Variants in ASXL1 observed in about 807,000 individuals in gnomAD.
ASXL1 encodes the protein polycomb group protein ASXL1.
A neutral mutation model predicts 89.1 loss-of-function variants in ASXL1; 65 were observed. The ratio of observed to expected loss-of-function variants is 0.73; its 90% confidence interval spans 0.60 to 0.90. The LOEUF is 0.90. Among genes scored for constraint, ASXL1 ranks in the 40% least tolerant of loss-of-function variants. The pLI, the probability that ASXL1 is intolerant of heterozygous loss-of-function variation, is 0.00. For missense variants in ASXL1, 1,786 were observed against 1,942.9 expected (o/e 0.92, Z 1.52); for synonymous variants, 739 against 746.9 (o/e 0.99, Z 0.17).
chr20:32,359,892 G>C, intron 1 of ASXL1: 4 of 714,668 alleles, frequency 5.6e-6, no homozygotes, highest in Non-Finnish European at 1.0e-5. Flanking sequence ...GTTATACTAA[G>C]ATGTCAGTTC....
At chr20:32,380,523 G>C (rs781658896) in intron 4 of ASXL1, among the ~76,000 whole-genome samples, 2 of 152,138 alleles carry the variant, frequency 1.3e-5, no homozygotes, top group Non-Finnish European at 2.9e-5. Context: ...AGCCCAAGGT[G>C]GGAGAATTGC....
rs141346625 is a variant in ASXL1 at position 32,433,627 on chromosome 20, G to C, written c.1429G>C (p.Glu477Gln). 407 of 1,613,376 alleles carry C rather than the reference G, an allele frequency of 2.5e-4. 3 individuals carry two copies. In the African/African-American group the frequency reaches 4.2e-3, roughly 17 times the overall value. ...CACATCCTCTGCAGCACCCGACCTGGAGGGTCCCGAATTCCCAGTTGAGTC... is the reference window on the plus strand; with the variant it reads ...CACATCCTCTGCAGCACCCGACCTGCAGGGTCCCGAATTCCCAGTTGAGTC... ...PGTSSAAPDLEGPEFPVESVA... is the reference protein window; with the variant it reads ...PGTSSAAPDLQGPEFPVESVA... The change falls in exon 12 of 13, where the codon GAG (glutamate) becomes CAG (glutamine). Residue 477 changes from glutamate (E) to glutamine (Q), a missense_variant. Coordinates refer to ENST00000375687, the MANE Select transcript of ASXL1 (RefSeq NM_015338.6).
chr20:32,427,863 C>T (rs2011373602), intron 4 of ASXL1: 2 of 433,330 alleles, frequency 4.6e-6, no homozygotes, highest in East Asian at 9.7e-5. Context: ...CTTAGCACTC[C>T]ACCCTCCCCA....
At chr20:32,403,716 T>G (rs1021537535) in intron 4 of ASXL1, among the ~76,000 whole-genome samples, 4 of 152,222 alleles carry the variant, frequency 2.6e-5, no homozygotes, top group Non-Finnish European at 5.9e-5. Context: ...CAGTCAGCTG[T>G]GTATGAATTT....
At chr20:32,420,493 A>T (rs893277286) in intron 4 of ASXL1, among the ~76,000 whole-genome samples, 6 of 151,776 alleles carry the variant, frequency 4.0e-5, no homozygotes, top group African/African-American at 1.5e-4. Context: ...CAGATGGTTT[A>T]TTTTTTTTCA....
At chr20:32,360,091 TGGG>T (rs3215636) in intron 1 of ASXL1, 5 of 412,622 alleles carry the variant, frequency 1.2e-5, no homozygotes, top group African/African-American at 4.0e-5. Context: ...TAGACTGTAT[TGGG>T]GGGGTTGACA....
chr20:32,372,469 C>A, intron 4 of ASXL1: 1 of 973,436 alleles, frequency 1.0e-6, no homozygotes, highest in Non-Finnish European at 1.3e-6. Flanking sequence ...CTGTAAACTC[C>A]TTGAGAGCAG....
intron 4 of ASXL1, among the ~76,000 whole-genome samples, chr20:32,413,742 C>T (rs1377085406): frequency 3.3e-5 from 5 of 152,194 alleles, no homozygotes; most frequent in Admixed American, 2.0e-4. Flanking sequence ...CTGTTTTCCT[C>T]GGACTTTCCT....
intron 4 of ASXL1, among the ~76,000 whole-genome samples, chr20:32,399,280 C>G (rs760858745): frequency 2.0e-5 from 3 of 151,746 alleles, no homozygotes; most frequent in Non-Finnish European, 4.4e-5. Context: ...TGATATACCA[C>G]TGTCTTGTCA....
In ASXL1 at chr20:32,433,565, C is replaced by T. The variant is rs747475412; in HGVS notation, c.1367C>T (p.Thr456Ile). 1.5e-5 allele frequency: 24 copies of T among 1,614,048 alleles called. No homozygotes were observed. Among genetic ancestry groups the T allele is most frequent in the Middle Eastern group, 3.3e-4 (2 of 6,084 alleles). ...VPLYKDGEAK[T>I]DPAGLSSPHL... ...CTCTACAAGGATGGGGAGGCTAAGA[C>T]TGACCCAGCAGGGCTGAGCAGTCCC... The change falls in exon 12 of 13, where the codon ACT becomes ATT. Residue 456 changes from threonine to isoleucine, a missense_variant. Around this residue, in one of 3 missense-constraint regions of ASXL1, gnomAD observed 1,418 missense variants for 1,427.8 expected, o/e 0.99. Coordinates refer to ENST00000375687, the MANE Select transcript of ASXL1 (RefSeq NM_015338.6).
At chr20:32,406,806 T>G (rs995495441) in intron 4 of ASXL1, among the ~76,000 whole-genome samples, 3 of 152,114 alleles carry the variant, frequency 2.0e-5, no homozygotes, top group African/African-American at 7.2e-5. Flanking sequence ...TTTGGGCATT[T>G]CACTCATCTT....
chr20:32,374,919 A>G (rs1382316318), intron 4 of ASXL1, among the ~76,000 whole-genome samples: 1 of 152,230 alleles, frequency 6.6e-6, no homozygotes, highest in East Asian at 1.9e-4. Flanking sequence ...TTGAGGCAGT[A>G]CCATAGTCTT....
At chr20:32,391,621 C>G (rs1021990331) in intron 4 of ASXL1, among the ~76,000 whole-genome samples, 11 of 152,164 alleles carry the variant, frequency 7.2e-5, no homozygotes, top group Non-Finnish European at 1.0e-4. Context: ...TCCCAGGTAG[C>G]TGAGAGTACA....
rs374984444 is a variant in ASXL1 at position 32,384,353 on chromosome 20, C to G, written c.252+15230C>G. Among the ~76,000 whole-genome samples the G allele has an allele frequency of 3.9e-5, 6 of 152,112 alleles. No individual in the cohort carries two copies. In the East Asian group the frequency reaches 7.7e-4, roughly 20 times the overall value. On this transcript the variant is annotated intron_variant, in intron 4 of 12. Coordinates refer to ENST00000375687, the MANE Select transcript of ASXL1 (RefSeq NM_015338.6). Reference sequence around the variant, plus strand: ...TCCCAAGTGGGATTGCAGGTGTGTGCCACCATGCCCGGCTAATTCTGTATT... The same window carrying G: ...TCCCAAGTGGGATTGCAGGTGTGTGGCACCATGCCCGGCTAATTCTGTATT...
chr20:32,423,475 G>T (rs1477817694), intron 4 of ASXL1, among the ~76,000 whole-genome samples: 1 of 151,718 alleles, frequency 6.6e-6, no homozygotes, highest in Non-Finnish European at 1.5e-5. Flanking sequence ...CCCAGCTTCA[G>T]GTGGTCCCCC....
At chr20:32,380,608 G>A (rs1256094284) in intron 4 of ASXL1, among the ~76,000 whole-genome samples, 1 of 152,094 alleles carries the variant, frequency 6.6e-6, no homozygotes, top group Non-Finnish European at 1.5e-5. Flanking sequence ...AAATTAGCCA[G>A]GTGTGGTAGC....
chr20:32,436,225 G>A lies in ASXL1; in HGVS notation c.3513G>A (p.Arg1171=), dbSNP rs150391716. The change falls in exon 13 of 13, where the codon AGG becomes AGA. Residue 1171 remains arginine, a synonymous_variant. Transcript: ENST00000375687. ...MVDGSSPSSL[R]ALKEPLLPDS... Reference sequence around the variant, plus strand: ...ATGGAAGCAGCCCCAGTTCTTTAAGGGCTTTGAAGGAGCCTCTTCTGCCAG... The same window carrying A: ...ATGGAAGCAGCCCCAGTTCTTTAAGAGCTTTGAAGGAGCCTCTTCTGCCAG... 13,284 of 1,614,192 alleles carry A rather than the reference G, an allele frequency of 8.2e-3. 75 individuals carry two copies. The highest frequency in any genetic ancestry group is 0.01 in the Non-Finnish European group (12,080 of 1,180,036).
chr20:32,358,684 C>T lies in ASXL1; in HGVS notation c.-92C>T, dbSNP rs886056592. ...CGCCGCCGCTGCCACGCGCCCCCCC[C>T]ACCGCCGCCGCCGCCCCAGCCCCGC... On this transcript the variant is annotated 5_prime_UTR_variant, in exon 1 of 13. Coordinates refer to ENST00000375687, the MANE Select transcript of ASXL1 (RefSeq NM_015338.6). 5.8e-4 allele frequency: 304 copies of T among 528,444 alleles called. No individual in the cohort carries two copies. The highest frequency in any genetic ancestry group is 7.3e-4 in the Non-Finnish European group (289 of 395,684). The allele number at this position is 528,444 out of a possible 1,614,324, so 32.7% of individuals were successfully genotyped here. A position where few individuals can be genotyped will look rare whatever the true frequency, so the allele number is the denominator to read the frequency against.
intron 4 of ASXL1, among the ~76,000 whole-genome samples, chr20:32,376,789 A>T (rs2048385608): frequency 7.1e-6 from 1 of 141,242 alleles, no homozygotes; most frequent in South Asian, 2.3e-4. Flanking sequence ...TATATTATAT[A>T]TCTATCATGA....
Sources: gnomAD v4.1 joint callset for allele counts (sites outside exome capture counted in the v4.1 genomes callset) on GRCh38, gnomAD v4.1.1 for gene constraint, gnomAD v4.1.1 regional missense constraint, MANE v1.5 for transcripts, NCBI Gene and HGNC (gene_info 2026-07-23, HGNC 2026-07-21) for gene names.